PKIG: variants seen among roughly 807,000 people sequenced by gnomAD.
PKIG encodes the protein cAMP-dependent protein kinase inhibitor gamma.
In PKIG, 1 loss-of-function variant was observed where a neutral mutation model predicts 6.8. That is an observed-to-expected ratio of 0.15 (90% CI 0.05 to 0.69). The LOEUF (loss-of-function observed/expected upper bound fraction) is 0.69, where lower values mean the gene tolerates loss of function less well. PKIG is among the 30% of genes least tolerant of loss of function. PKIG has a pLI of 0.82. For missense variants in PKIG, 77 were observed against 104.0 expected (o/e 0.74, Z 1.13); for synonymous variants, 39 against 43.0 (o/e 0.91, Z 0.36).
At position 44,618,355 on chromosome 20, in the gene PKIG, C is replaced by T; in HGVS notation, c.222C>T (p.Thr74=). The change falls in exon 4 of 4, where the codon ACC becomes ACT. Residue 74 remains threonine, a synonymous_variant. Transcript: ENST00000372886. ...AGCCCCAGAGCAGCGATGGGACCAC[C>T]TCGTCTTGAATCTGACCTTGTCCAA... ...GNQPQSSDGT[T]SS 1.9e-6 allele frequency: 3 copies of T among 1,610,188 alleles called. No homozygotes were observed. Among genetic ancestry groups the T allele is most frequent in the Non-Finnish European group, 2.6e-6 (3 of 1,176,408 alleles).
intron 1 of PKIG, among the ~76,000 whole-genome samples, chr20:44,584,488 CAAAAAAAAA>C (rs61654555): frequency 1.5e-5 from 1 of 64,694 alleles, no homozygotes; most frequent in African/African-American, 4.8e-5. Context: ...AGCCAGAGTG[CAAAAAAAAA>C]AAAAAAAAAG....
At chr20:44,610,500 T>TCACACACACACACACACACA (rs559846553) in intron 2 of PKIG, among the ~76,000 whole-genome samples, 2,106 of 135,388 alleles carry the variant, frequency 0.016, 20 homozygotes, top group Non-Finnish European at 0.024. Context: ...TCTCTCTCTC[T>TCACACACACACACACACACA]CACACACACA....
intron 1 of PKIG, among the ~76,000 whole-genome samples, chr20:44,533,720 T>G (rs929209596): frequency 1.3e-5 from 2 of 151,000 alleles, no homozygotes; most frequent in African/African-American, 4.9e-5. Flanking sequence ...GGCTACTGCA[T>G]TGCATACTCT....
chr20:44,544,363 A>G (rs947621582), intron 1 of PKIG, among the ~76,000 whole-genome samples: 5 of 152,144 alleles, frequency 3.3e-5, no homozygotes, highest in East Asian at 1.9e-4. Context: ...TCGAAGAGGA[A>G]TTGTGTTGGC....
intron 3 of PKIG, among the ~76,000 whole-genome samples, chr20:44,618,019 T>C (rs1420114767): frequency 1.3e-5 from 2 of 152,176 alleles, no homozygotes; most frequent in African/African-American, 4.8e-5. Context: ...TCAAGAGCCC[T>C]TCACTTGATG....
intron 1 of PKIG, among the ~76,000 whole-genome samples, chr20:44,541,033 G>A (rs1235258184): frequency 1.3e-5 from 2 of 152,248 alleles, no homozygotes; most frequent in Non-Finnish European, 2.9e-5. Flanking sequence ...AGTGGGTGGA[G>A]AAACTGACTC....
Position 44,618,876 on chromosome 20 carries a change from A to C in PKIG, c.*512A>C, listed in dbSNP as rs1952256461. On this transcript the variant is annotated 3_prime_UTR_variant, in exon 4 of 4. Coordinates refer to ENST00000372886, the MANE Select transcript of PKIG (RefSeq NM_001281445.2). ...CAATTCACATTTTTTAAGCCATTTTAGCTAAACTGTCATTGTGCATCTCTG... is the reference window on the plus strand; with the variant it reads ...CAATTCACATTTTTTAAGCCATTTTCGCTAAACTGTCATTGTGCATCTCTG... 6.3e-6 allele frequency: 1 copy of C among 158,734 alleles called. No individual in the cohort carries two copies. Among genetic ancestry groups the C allele is most frequent in the Admixed American group, 5.9e-5 (1 of 16,876 alleles). 9.8% of individuals were successfully genotyped at this position (158,734 alleles called of 1,614,324 possible). A position where few individuals can be genotyped will look rare whatever the true frequency, so the allele number is the denominator to read the frequency against.
Position 44,584,082 on chromosome 20 carries a change from A to G in PKIG, c.-94+1351A>G, listed in dbSNP as rs1202477762. On this transcript the variant is annotated intron_variant, in intron 1 of 3. Transcript: ENST00000372886. The stretch of plus-strand genomic sequence containing the variant: ...GAGTATCTCTTAAGCACTAGGCCCT[A>G]TGTTATGCTCAACCCTTTACAGAGC... 3.3e-5 allele frequency among the ~76,000 whole-genome samples: 5 copies of G among 152,188 alleles called. No homozygotes were observed. In the South Asian group the frequency reaches 8.3e-4, roughly 25 times the overall value.
intron 2 of PKIG, among the ~76,000 whole-genome samples, chr20:44,599,180 GA>G (rs927238830): frequency 1.3e-5 from 2 of 152,086 alleles, no homozygotes; most frequent in African/African-American, 4.8e-5. Context: ...GGGGGCAGGG[GA>G]AAAAGAAGGT....
chr20:44,555,631 C>T (rs1004570976), intron 1 of PKIG, among the ~76,000 whole-genome samples: 7 of 152,214 alleles, frequency 4.6e-5, no homozygotes, highest in African/African-American at 1.7e-4. Context: ...TGTTCATACT[C>T]TGAAAATATT....
chr20:44,542,377 A>G (rs1237790959), intron 1 of PKIG, among the ~76,000 whole-genome samples: 3 of 151,200 alleles, frequency 2.0e-5, no homozygotes, highest in African/African-American at 7.3e-5. Flanking sequence ...AAACCTACCT[A>G]CTCCGTGTTT....
Position 44,583,528 on chromosome 20 carries a change from G to A in PKIG, c.-94+797G>A, listed in dbSNP as rs117146052. Among the ~76,000 whole-genome samples the A allele has an allele frequency of 7.5e-3, 1,145 of 152,268 alleles. 12 individuals carry two copies. Among genetic ancestry groups the A allele is most frequent in the Non-Finnish European group, 0.01 (708 of 67,994 alleles). On this transcript the variant is annotated intron_variant, in intron 1 of 3. Coordinates refer to ENST00000372886, the MANE Select transcript of PKIG (RefSeq NM_001281445.2). ...TGAGGAGGATTCCTAGGTGGCTTGA[G>A]ATGGCTTGCAGTGTGCTAACAGGGG... is the stretch of plus-strand genomic sequence containing the variant.
At chr20:44,567,289 A>G (rs1381872478) in intron 1 of PKIG, among the ~76,000 whole-genome samples, 1 of 152,106 alleles carries the variant, frequency 6.6e-6, no homozygotes, top group South Asian at 2.1e-4. Context: ...TGGCTACCAG[A>G]TATCCTGCAA....
chr20:44,588,864 G>A (rs749088593), intron 1 of PKIG, among the ~76,000 whole-genome samples: 4 of 152,180 alleles, frequency 2.6e-5, no homozygotes, highest in Non-Finnish European at 4.4e-5. Context: ...CACTTGATAT[G>A]TTAGCTAGAT....
At chr20:44,560,603 C>A (rs2064757839) in intron 1 of PKIG, among the ~76,000 whole-genome samples, 1 of 152,122 alleles carries the variant, frequency 6.6e-6, no homozygotes, top group Non-Finnish European at 1.5e-5. Flanking sequence ...AGCTTGTTGT[C>A]CGTCAAGGAT....
chr20:44,551,340 C>G (rs981903274), intron 1 of PKIG, among the ~76,000 whole-genome samples: 1 of 152,198 alleles, frequency 6.6e-6, no homozygotes, highest in Non-Finnish European at 1.5e-5. Context: ...AGGCGTGAGC[C>G]ACCGCGCCCG....
chr20:44,598,013 C>T (rs1190234922), intron 2 of PKIG, among the ~76,000 whole-genome samples: 1 of 152,226 alleles, frequency 6.6e-6, no homozygotes, highest in Non-Finnish European at 1.5e-5. Flanking sequence ...AATTTGGGAA[C>T]AGCTTGGCTG....
chr20:44,561,280 T>C (rs1413441560), intron 1 of PKIG, among the ~76,000 whole-genome samples: 1 of 152,020 alleles, frequency 6.6e-6, no homozygotes, highest in Non-Finnish European at 1.5e-5. Context: ...GAAGTTGCAG[T>C]GAGCCGAGAT....
At chr20:44,584,356 G>T (rs970099164) in intron 1 of PKIG, among the ~76,000 whole-genome samples, 2 of 151,790 alleles carry the variant, frequency 1.3e-5, no homozygotes, top group Non-Finnish European at 2.9e-5. Flanking sequence ...CTTAAAGCCC[G>T]CCATCCTAGT....
Sources: gnomAD v4.1 joint callset for allele counts (sites outside exome capture counted in the v4.1 genomes callset) on GRCh38, gnomAD v4.1.1 for gene constraint, MANE v1.5 for transcripts, NCBI Gene and HGNC (gene_info 2026-07-23, HGNC 2026-07-21) for gene names.